Variants in PAPPA2 observed in about 807,000 individuals in gnomAD.
PAPPA2 encodes pappalysin 2, also known as pappalysin-2.
A neutral mutation model predicts 176.4 loss-of-function variants in PAPPA2; 86 were observed. That is an observed-to-expected ratio of 0.49 (90% confidence interval 0.41 to 0.58). The LOEUF (loss-of-function observed/expected upper bound fraction) is 0.58. Among genes scored for constraint, PAPPA2 ranks in the 20% least tolerant of loss-of-function variants. The pLI, the probability that PAPPA2 is intolerant of heterozygous loss-of-function variation, is 0.00. For synonymous variants in PAPPA2, 809 were observed against 852.2 expected, an observed-to-expected ratio of 0.95 and a Z score of 0.88; for missense variants, 2,073 against 2,256.9, an observed-to-expected ratio of 0.92 and a Z score of 1.65.
intron 1 of PAPPA2, among the ~76,000 whole-genome samples, chr1:176,519,449 A>G (rs1195469682): frequency 1.3e-5 from 2 of 152,174 alleles, no homozygotes; most frequent in Non-Finnish European, 2.9e-5. Flanking sequence ...CCTAACAGCA[A>G]TACCAAAGGT....
intron 2 of PAPPA2, among the ~76,000 whole-genome samples, chr1:176,560,464 G>A (rs1399202225): frequency 6.6e-6 from 1 of 152,226 alleles, no homozygotes; most frequent in African/African-American, 2.4e-5. Context: ...ATCTTCTGAA[G>A]TGGCCTATTT....
rs1475688412 is a variant in PAPPA2, at chr1:176,547,737, G to GCTAGCACT, written c.-916-7670_-916-7669insCTAGCACT. Among the ~76,000 whole-genome samples the GCTAGCACT allele has an allele frequency of 1.1e-3, 168 of 152,250 alleles. 2 individuals carry two copies. The highest frequency in any genetic ancestry group is 1.8e-3 in the Non-Finnish European group (125 of 68,014). ...CATCCCTAGCCTGTACCCACTAGAT[G>GCTAGCACT]ACAGCAGTATCCATCTCTCAGTTGT... is the stretch of plus-strand genomic sequence containing the variant. On this transcript the variant is annotated intron_variant, in intron 1 of 22. Transcript: ENST00000367662.
rs1231096489 is a variant in PAPPA2, at chr1:176,702,745, T to G, written c.3365+10T>G. 4.7e-5 allele frequency: 56 copies of G among 1,200,150 alleles called. No homozygotes were observed. Among genetic ancestry groups the G allele is most frequent in the East Asian group, 8.7e-5 (3 of 34,368 alleles). The allele number at this position is 1,200,150 out of a possible 1,614,324, so 74.3% of individuals were successfully genotyped here. A position where few individuals can be genotyped will look rare whatever the true frequency, so the allele number is the denominator to read the frequency against. ...ATGGGAAGGTGTCAGAGTGAGTATT[T>G]TGTGTGTGTGTGTGTGTGTGTGTGT... On this transcript the variant is annotated intron_variant, in intron 9 of 22. Transcript: ENST00000367662.
intron 17 of PAPPA2, among the ~76,000 whole-genome samples, chr1:176,777,562 C>G (rs930787377): frequency 6.6e-6 from 1 of 152,014 alleles, no homozygotes; most frequent in Non-Finnish European, 1.5e-5. Context: ...CAAGATTTAT[C>G]TCCTCATTTA....
intron 2 of PAPPA2, among the ~76,000 whole-genome samples, chr1:176,567,232 G>A (rs980736452): frequency 6.6e-6 from 1 of 152,188 alleles, no homozygotes; most frequent in African/African-American, 2.4e-5. Flanking sequence ...AAACATCCTA[G>A]TTCTCTTTAT....
intron 1 of PAPPA2, among the ~76,000 whole-genome samples, chr1:176,497,910 C>T (rs913656988): frequency 6.6e-6 from 1 of 152,076 alleles, no homozygotes; most frequent in South Asian, 2.1e-4. Flanking sequence ...GCAGCACAGA[C>T]TAAATATGCA....
chr1:176,798,917 G>A (rs567006744), intron 20 of PAPPA2, among the ~76,000 whole-genome samples: 9 of 152,262 alleles, frequency 5.9e-5, no homozygotes, highest in African/African-American at 1.9e-4. Flanking sequence ...TTAGCAGTAC[G>A]ACTCCAGAAA....
chr1:176,760,803 G>T (rs780921664), intron 14 of PAPPA2, among the ~76,000 whole-genome samples: 7 of 151,986 alleles, frequency 4.6e-5, no homozygotes, highest in Non-Finnish European at 7.4e-5. Flanking sequence ...CAAAAGCATG[G>T]TTTTTTTGTT....
chr1:176,586,038 A>G (rs1653282893), intron 2 of PAPPA2, among the ~76,000 whole-genome samples: 1 of 151,692 alleles, frequency 6.6e-6, no homozygotes, highest in Non-Finnish European at 1.5e-5. Flanking sequence ...GTTACTTTAG[A>G]ATTGTTTTGT....
intron 12 of PAPPA2, 46 bp downstream of exon 12, chr1:176,712,027 ATATGTG>A: frequency 6.4e-7 from 1 of 1,554,758 alleles, no homozygotes; most frequent in Non-Finnish European, 8.7e-7. Flanking sequence ...AGGTGTAAGC[ATATGTG>A]TGTGTGTGTG....
Position 176,702,719 on chromosome 1 carries a change from G to T in PAPPA2, c.3349G>T (p.Asp1117Tyr), listed in dbSNP as rs368383444. 2 of 1,608,042 alleles carry T rather than the reference G, an allele frequency of 1.2e-6. No individual in the cohort carries two copies. The highest frequency in any genetic ancestry group is 1.3e-5 in the African/African-American group (1 of 74,188). Residue 1117 changes from aspartate (D) to tyrosine (Y), a missense_variant, in exon 9 of 23, where the codon GAT (aspartate) becomes TAT (tyrosine). Transcript: ENST00000367662. ...NHIHGAPYCGDGKVSERLGEE... is the reference protein window; with the variant it reads ...NHIHGAPYCGYGKVSERLGEE... The stretch of plus-strand genomic sequence containing the variant: ...CATTCATGGAGCTCCTTATTGTGGA[G>T]ATGGGAAGGTGTCAGAGTGAGTATT...
chr1:176,793,690 A>G lies in PAPPA2; in HGVS notation c.5130+21A>G, dbSNP rs750718707. ...TCCAGGTGAGGAAAGGGACATTGTT[A>G]TGTGCCAAAGACATGAGTCTGCTGA... On this transcript the variant is annotated intron_variant, in intron 20 of 22. Transcript: ENST00000367662. 7.7e-6 allele frequency: 12 copies of G among 1,549,832 alleles called. No homozygotes were observed. The South Asian group carries it at 1.3e-4, about 16-fold the overall frequency.
At chr1:176,525,900 A>G (rs1275222452) in intron 1 of PAPPA2, among the ~76,000 whole-genome samples, 1 of 152,184 alleles carries the variant, frequency 6.6e-6, no homozygotes, top group African/African-American at 2.4e-5. Flanking sequence ...ATTTTGAACC[A>G]GTTCTAGTTT....
At chr1:176,525,015 C>G (rs1649424825) in intron 1 of PAPPA2, among the ~76,000 whole-genome samples, 2 of 152,126 alleles carry the variant, frequency 1.3e-5, no homozygotes, top group Admixed American at 1.3e-4. Context: ...GCACTCCAGC[C>G]TGGCCTACAG....
intron 12 of PAPPA2, among the ~76,000 whole-genome samples, chr1:176,712,837 G>C (rs532574491): frequency 6.6e-6 from 1 of 152,136 alleles, no homozygotes; most frequent in South Asian, 2.1e-4. Context: ...ATCAACATTT[G>C]GTCTTTTAAG....
chr1:176,793,613 C>T lies in PAPPA2; in HGVS notation c.5074C>T (p.Pro1692Ser), dbSNP rs770752911. 2 of 1,613,296 alleles carry T rather than the reference C, an allele frequency of 1.2e-6. No homozygotes were observed. Among genetic ancestry groups the T allele is most frequent in the Non-Finnish European group, 1.7e-6 (2 of 1,179,482 alleles). Residue 1692 changes from proline (P) to serine (S), a missense_variant, in exon 20 of 23, where the codon CCT becomes TCT. By Grantham distance (74) the Pro-to-Ser change is moderately conservative (BLOSUM62 -1). Coordinates refer to ENST00000367662, the MANE Select transcript of PAPPA2 (RefSeq NM_020318.3). ...CCCCCCCAGTGACCCCGTGATGCTA[C>T]CTGAGAATATCACTGCTGACACTCT... ...VIPPSDPVML[P>S]ENITADTLEH...
At chr1:176,483,575 A>T (rs1226619258) in intron 1 of PAPPA2, among the ~76,000 whole-genome samples, 1 of 139,660 alleles carries the variant, frequency 7.2e-6, no homozygotes, top group Non-Finnish European at 1.5e-5. Flanking sequence ...GGTTCAAGCG[A>T]TTCTCCTGTC....
intron 1 of PAPPA2, among the ~76,000 whole-genome samples, chr1:176,511,516 G>C (rs1372949604): frequency 6.6e-6 from 1 of 152,164 alleles, no homozygotes; most frequent in Non-Finnish European, 1.5e-5. Context: ...TGTCTTAACT[G>C]GTTGTGATAA....
intron 3 of PAPPA2, among the ~76,000 whole-genome samples, chr1:176,604,206 G>C (rs756328541): frequency 6.6e-6 from 1 of 152,104 alleles, no homozygotes; most frequent in Non-Finnish European, 1.5e-5. Context: ...ACGTAAAATT[G>C]TACACATTGT....
Sources: allele counts gnomAD v4.1 joint callset (sites outside exome capture counted in the v4.1 genomes callset), GRCh38; gene constraint gnomAD v4.1.1; transcripts MANE v1.5; gene names NCBI Gene and HGNC (gene_info 2026-07-23, HGNC 2026-07-21).